Variants in GNA12 observed in about 807,000 individuals in gnomAD.
The protein encoded by GNA12 is G protein subunit alpha 12, also known as guanine nucleotide-binding protein subunit alpha-12.
A neutral mutation model predicts 26.0 loss-of-function variants in GNA12; 9 were observed. That is an observed-to-expected ratio of 0.35 (90% confidence interval 0.21 to 0.60). GNA12 has a LOEUF of 0.60. GNA12 is among the 20% of genes least tolerant of loss of function. The pLI is 0.78. For missense variants in GNA12, 405 were observed against 525.8 expected (o/e 0.77, Z 2.25); for synonymous variants, 264 against 219.6 (o/e 1.20, Z -1.79).
chr7:2,814,760 G>A (rs377431912), intron 1 of GNA12: 2 of 937,930 alleles, frequency 2.1e-6, no homozygotes, highest in Non-Finnish European at 1.6e-6. Context: ...TTATCAGCCT[G>A]TCCAACACAC....
intron 1 of GNA12, among the ~76,000 whole-genome samples, chr7:2,811,511 T>C (rs1433843406): frequency 6.6e-6 from 1 of 152,140 alleles, no homozygotes; most frequent in Non-Finnish European, 1.5e-5. Flanking sequence ...TCATGACCAA[T>C]GAAGTAACTT....
chr7:2,795,374 G>C (rs1387942620), intron 1 of GNA12, among the ~76,000 whole-genome samples: 4 of 152,118 alleles, frequency 2.6e-5, no homozygotes. Context: ...GGCTCACACT[G>C]TGAGCCTCCC....
chr7:2,813,914 T>C (rs897963547), intron 1 of GNA12, among the ~76,000 whole-genome samples: 5 of 152,172 alleles, frequency 3.3e-5, no homozygotes, highest in Non-Finnish European at 7.3e-5. Context: ...GAAGGTGGAC[T>C]GCCCTCCCCA....
intron 1 of GNA12, among the ~76,000 whole-genome samples, chr7:2,830,710 T>TAA (rs1048408700): frequency 1.3e-5 from 2 of 152,034 alleles, no homozygotes. Flanking sequence ...CCCATCAGAG[T>TAA]AAAGCCCAAC....
At chr7:2,813,519 T>A (rs1184674343) in intron 1 of GNA12, among the ~76,000 whole-genome samples, 1 of 151,936 alleles carries the variant, frequency 6.6e-6, no homozygotes, top group African/African-American at 2.4e-5. Flanking sequence ...GCCACCACAA[T>A]ATCTGCTATA....
At chr7:2,804,901 TAAATTAAAAA>T (rs1266202644) in intron 1 of GNA12, among the ~76,000 whole-genome samples, 4 of 115,256 alleles carry the variant, frequency 3.5e-5, no homozygotes, top group Admixed American at 8.7e-5. Context: ...TCTATTAAAA[TAAATTAAAAA>T]AAAAAAGATA....
intron 2 of GNA12, among the ~76,000 whole-genome samples, chr7:2,737,309 G>C (rs181589997): frequency 1.3e-5 from 1 of 75,200 alleles, no homozygotes; most frequent in Non-Finnish European, 2.3e-5. Context: ...TTTTTTTTGA[G>C]ATGGAGTCTC....
At position 2,805,594 on chromosome 7, in the gene GNA12, G is replaced by A. The variant is rs1270251517; in HGVS notation, c.310-10451C>T. On this transcript the variant is annotated intron_variant, in intron 1 of 3. Transcript: ENST00000275364. ...AACAGGCAGGAGGCAGAAGATGCCT[G>A]GGCTGCCGCCTGCTCTCACGCAGCT... 1.3e-5 allele frequency among the ~76,000 whole-genome samples: 2 copies of A among 152,232 alleles called. 1 individual carries two copies. Among genetic ancestry groups the A allele is most frequent in the Admixed American group, 1.3e-4 (2 of 15,286 alleles).
chr7:2,843,554 G>C (rs1166516412), intron 1 of GNA12, among the ~76,000 whole-genome samples: 3 of 152,114 alleles, frequency 2.0e-5, no homozygotes, highest in Admixed American at 6.5e-5. Flanking sequence ...GGCTAAGGAG[G>C]GAGTAGGGCT....
intron 1 of GNA12, among the ~76,000 whole-genome samples, chr7:2,819,619 G>C (rs951212643): frequency 6.6e-6 from 1 of 152,180 alleles, no homozygotes; most frequent in Non-Finnish European, 1.5e-5. Flanking sequence ...CAAAGGATCT[G>C]TATAGCCATA....
chr7:2,762,769 C>CATCTT, intron 2 of GNA12: 1 of 1,547,816 alleles, frequency 6.5e-7, no homozygotes, highest in Non-Finnish European at 8.7e-7. Flanking sequence ...CCGTCCTTTC[C>CATCTT]ACCCAGGCTG....
chr7:2,813,655 C>T (rs989225902), intron 1 of GNA12, among the ~76,000 whole-genome samples: 6 of 152,022 alleles, frequency 3.9e-5, no homozygotes, highest in Admixed American at 2.0e-4. Context: ...TGGAGGCAAT[C>T]GCCCCATGTG....
At chr7:2,832,836 C>T (rs1000946464) in intron 1 of GNA12, among the ~76,000 whole-genome samples, 1 of 152,204 alleles carries the variant, frequency 6.6e-6, no homozygotes, top group African/African-American at 2.4e-5. Flanking sequence ...CCCTCCAGCA[C>T]CTTTCTAGCT....
intron 1 of GNA12, among the ~76,000 whole-genome samples, chr7:2,802,284 C>A (rs1479318373): frequency 6.6e-6 from 1 of 151,094 alleles, no homozygotes; most frequent in Non-Finnish European, 1.5e-5. Context: ...TACAATGTCA[C>A]ACTTCAAACT....
chr7:2,761,425 A>G (rs1791549973), intron 2 of GNA12, among the ~76,000 whole-genome samples: 2 of 152,240 alleles, frequency 1.3e-5, no homozygotes, highest in South Asian at 4.1e-4. Flanking sequence ...GGCTGACTTC[A>G]TGGCAGAATT....
chr7:2,808,815 A>C (rs936574380), intron 1 of GNA12, among the ~76,000 whole-genome samples: 2 of 152,208 alleles, frequency 1.3e-5, no homozygotes, highest in Non-Finnish European at 2.9e-5. Context: ...TGCTAAGCCT[A>C]GGTCAGCTCT....
At chr7:2,840,107 C>G (rs572066733) in intron 1 of GNA12, among the ~76,000 whole-genome samples, 6 of 152,102 alleles carry the variant, frequency 3.9e-5, no homozygotes, top group East Asian at 3.8e-4. Context: ...GGCTCTGTAT[C>G]GTGACTGTAT....
intron 1 of GNA12, among the ~76,000 whole-genome samples, chr7:2,796,067 T>C (rs1792663384): frequency 6.6e-6 from 1 of 151,956 alleles, no homozygotes; most frequent in South Asian, 2.1e-4. Context: ...GGTTCCACCA[T>C]GTTGTCCAGC....
intron 1 of GNA12, among the ~76,000 whole-genome samples, chr7:2,829,319 C>T (rs1793550599): frequency 6.6e-6 from 1 of 152,176 alleles, no homozygotes; most frequent in African/African-American, 2.4e-5. Context: ...ACTAAGGCTT[C>T]TTTAAACACT....
Sources: allele counts gnomAD v4.1 joint callset (sites outside exome capture counted in the v4.1 genomes callset), GRCh38; gene constraint gnomAD v4.1.1; transcripts MANE v1.5; gene names NCBI Gene and HGNC (gene_info 2026-07-23, HGNC 2026-07-21).